Variants in NAALADL2 observed in about 807,000 individuals in gnomAD.
NAALADL2 encodes the protein inactive N-acetylated-alpha-linked acidic dipeptidase-like protein 2.
A neutral mutation model predicts 87.2 loss-of-function variants in NAALADL2; 76 were observed. That is an observed-to-expected ratio of 0.87 (90% CI 0.72 to 1.05). The LOEUF is 1.05. Ranked by LOEUF, NAALADL2 falls within the 50% of genes least tolerant of loss-of-function variation. The pLI is 0.00. For synonymous variants in NAALADL2, 354 were observed against 331.0 expected (o/e 1.07, Z -0.75); for missense variants, 1,089 against 945.8 (o/e 1.15, Z -1.99).
chr3:174,842,213 G>A (rs1051107653), intron 3 of NAALADL2, among the ~76,000 whole-genome samples: 7 of 151,954 alleles, frequency 4.6e-5, no homozygotes, highest in African/African-American at 9.7e-5. Context: ...CACCACGCCT[G>A]GCTAATTTTG....
intron 2 of NAALADL2, among the ~76,000 whole-genome samples, chr3:175,100,484 T>A (rs1044301030): frequency 1.3e-5 from 2 of 152,142 alleles, no homozygotes; most frequent in African/African-American, 4.8e-5. Flanking sequence ...ATTCAGAGAA[T>A]CCAGCCTCCT....
chr3:174,656,647 G>A (rs1036770368), intron 2 of NAALADL2, among the ~76,000 whole-genome samples: 13 of 152,258 alleles, frequency 8.5e-5, no homozygotes, highest in Middle Eastern at 3.4e-3. Flanking sequence ...GACATGAAAA[G>A]CAGGTCAATA....
chr3:174,610,230 A>C (rs996977615), intron 2 of NAALADL2, among the ~76,000 whole-genome samples: 1 of 151,748 alleles, frequency 6.6e-6, no homozygotes, highest in African/African-American at 2.4e-5. Flanking sequence ...AAACCTAGGC[A>C]TTACCATTCA....
chr3:175,173,002 G>A (rs1461003510), intron 2 of NAALADL2, among the ~76,000 whole-genome samples: 1 of 151,984 alleles, frequency 6.6e-6, no homozygotes, highest in Non-Finnish European at 1.5e-5. Flanking sequence ...TAAAAATATT[G>A]CAATGAAGCC....
chr3:174,579,530 A>C (rs1161528722), intron 2 of NAALADL2, among the ~76,000 whole-genome samples: 1 of 152,080 alleles, frequency 6.6e-6, no homozygotes, highest in African/African-American at 2.4e-5. Flanking sequence ...TGAAGTCTAC[A>C]AATAAATAAT....
chr3:175,056,893 G>T (rs1202535108), intron 1 of NAALADL2, among the ~76,000 whole-genome samples: 1 of 152,154 alleles, frequency 6.6e-6, no homozygotes, highest in Non-Finnish European at 1.5e-5. Flanking sequence ...CCTCATTCCG[G>T]TAAACCCACA....
chr3:175,060,138 G>A (rs11915998), intron 1 of NAALADL2: 20,712 of 189,048 alleles, frequency 0.11, 1,343 homozygotes, highest in East Asian at 0.21. Context: ...GTTAAAACCC[G>A]AAGACACACA....
chr3:175,501,389 G>A (rs1729519352), intron 9 of NAALADL2, among the ~76,000 whole-genome samples: 1 of 142,088 alleles, frequency 7.0e-6, no homozygotes, highest in African/African-American at 2.7e-5. Context: ...TTAAAAGATT[G>A]TTATCAAAAG....
At chr3:175,670,535 AT>A (rs1439559615) in intron 11 of NAALADL2, among the ~76,000 whole-genome samples, 1,025 of 61,264 alleles carry the variant, frequency 0.017, no homozygotes, top group Non-Finnish European at 0.022. Flanking sequence ...TGTAAATTTA[AT>A]TATATTATTT....
intron 3 of NAALADL2, among the ~76,000 whole-genome samples, chr3:174,792,440 CT>C (rs1717575002): frequency 6.6e-6 from 1 of 152,170 alleles, no homozygotes; most frequent in African/African-American, 2.4e-5. Flanking sequence ...ATGTCAGCCT[CT>C]GTGCCACTGT....
intron 10 of NAALADL2, among the ~76,000 whole-genome samples, chr3:175,589,767 A>G (rs1167751102): frequency 4.8e-4 from 72 of 149,756 alleles, no homozygotes; most frequent in Admixed American, 2.3e-3. Flanking sequence ...TTTGGACCAA[A>G]GTAAATATTT....
chr3:174,960,480 A>G (rs1741817323), intron 1 of NAALADL2, among the ~76,000 whole-genome samples: 1 of 152,050 alleles, frequency 6.6e-6, no homozygotes, highest in Non-Finnish European at 1.5e-5. Context: ...TGGACTTACT[A>G]TGAATAAGAA....
intron 2 of NAALADL2, among the ~76,000 whole-genome samples, chr3:175,226,645 G>T (rs908563318): frequency 6.6e-6 from 1 of 152,040 alleles, no homozygotes; most frequent in Non-Finnish European, 1.5e-5. Flanking sequence ...AGTTTTTTGT[G>T]ATGATTAAGC....
chr3:175,118,920 T>G (rs1725701948), intron 2 of NAALADL2, among the ~76,000 whole-genome samples: 1 of 151,740 alleles, frequency 6.6e-6, no homozygotes, highest in African/African-American at 2.4e-5. Context: ...TTTTTTCCCC[T>G]TTGGCTAAGA....
intron 3 of NAALADL2, among the ~76,000 whole-genome samples, chr3:174,740,863 T>C (rs746775548): frequency 2.4e-4 from 36 of 151,824 alleles, no homozygotes; most frequent in Non-Finnish European, 3.1e-4. Flanking sequence ...CTTGAGTCTC[T>C]TTAAACTAGG....
intron 1 of NAALADL2, among the ~76,000 whole-genome samples, chr3:174,899,291 G>A (rs1333429112): frequency 6.6e-6 from 1 of 152,122 alleles, no homozygotes; most frequent in Non-Finnish European, 1.5e-5. Flanking sequence ...GAAAGGATAA[G>A]AGATAATTAT....
chr3:175,520,828 T>C (rs981104655), intron 9 of NAALADL2, among the ~76,000 whole-genome samples: 10 of 152,124 alleles, frequency 6.6e-5, no homozygotes, highest in African/African-American at 2.2e-4. Flanking sequence ...GAAGAGAGTG[T>C]TTGTTGATTG....
At chr3:175,449,863 A>G (rs79255970) in intron 6 of NAALADL2, among the ~76,000 whole-genome samples, 6,656 of 152,304 alleles carry the variant, frequency 0.044, 175 homozygotes, top group Non-Finnish European at 0.064. Flanking sequence ...ATTATGACAT[A>G]TGAAATTGTT....
At chr3:175,691,545 T>A (rs1191629552) in intron 11 of NAALADL2, among the ~76,000 whole-genome samples, 1 of 151,898 alleles carries the variant, frequency 6.6e-6, no homozygotes, top group East Asian at 1.9e-4. Flanking sequence ...AGGTTTAAAA[T>A]TTTATCATCT....
Sources: gnomAD v4.1 joint callset for allele counts (sites outside exome capture counted in the v4.1 genomes callset) on GRCh38, gnomAD v4.1.1 for gene constraint, MANE v1.5 for transcripts, NCBI Gene and HGNC (gene_info 2026-07-23, HGNC 2026-07-21) for gene names.